Variants in MID1 observed in about 807,000 individuals in gnomAD.
MID1 encodes the protein E3 ubiquitin-protein ligase Midline-1.
A neutral mutation model predicts 40.4 loss-of-function variants in MID1; 7 were observed. That is an observed-to-expected ratio of 0.17 (90% CI 0.10 to 0.33). The LOEUF (loss-of-function observed/expected upper bound fraction) is 0.33, where lower values mean the gene tolerates loss of function less well. MID1 is among the 10% of genes least tolerant of loss of function. The pLI is 1.00. For missense variants in MID1, 367 were observed against 558.5 expected, an observed-to-expected ratio of 0.66 and a Z score of 3.46; for synonymous variants, 229 against 221.2, an observed-to-expected ratio of 1.04 and a Z score of -0.31.
chrX:10,790,166 T>C (rs938500042), intron 1 of MID1, among the ~76,000 whole-genome samples: 1 of 109,066 alleles, frequency 9.2e-6, no homozygotes, highest in African/African-American at 3.5e-5. Flanking sequence ...TTTCCTGCTC[T>C]GCTTTCTTTT....
intron 2 of MID1, among the ~76,000 whole-genome samples, chrX:10,559,187 A>T (rs1934238774): frequency 8.9e-6 from 1 of 112,853 alleles, no homozygotes; most frequent in African/African-American, 3.2e-5. Context: ...CTATTAAAAA[A>T]TATACATTTC....
intron 1 of MID1, among the ~76,000 whole-genome samples, chrX:10,676,627 C>T (rs1421110974): frequency 9.0e-6 from 1 of 111,230 alleles, no homozygotes; most frequent in East Asian, 2.8e-4. Context: ...GCAACCTCTC[C>T]CAGGATTTTT....
intron 1 of MID1, among the ~76,000 whole-genome samples, chrX:10,579,757 C>G (rs1316400434): frequency 9.1e-6 from 1 of 110,463 alleles, no homozygotes; most frequent in African/African-American, 3.3e-5. Context: ...AAACATTTCC[C>G]CTGATCACTG....
intron 1 of MID1, among the ~76,000 whole-genome samples, chrX:10,671,864 C>G (rs964990947): frequency 4.5e-5 from 5 of 111,366 alleles, no homozygotes; most frequent in African/African-American, 1.6e-4. Context: ...CACCTCTCCA[C>G]TTGAAATATT....
chrX:10,502,380 G>A (rs1029993622), intron 3 of MID1, among the ~76,000 whole-genome samples: 13 of 111,771 alleles, frequency 1.2e-4, no homozygotes, highest in African/African-American at 3.6e-4. Context: ...CTTCTTATTC[G>A]TACACAGACG....
At chrX:10,690,137 G>A (rs926933221) in intron 1 of MID1, among the ~76,000 whole-genome samples, 4 of 111,371 alleles carry the variant, frequency 3.6e-5, no homozygotes, top group Non-Finnish European at 7.5e-5. Context: ...TAATCAAGAT[G>A]CTGAGAGTTG....
intron 1 of MID1, among the ~76,000 whole-genome samples, chrX:10,814,575 T>A (rs1354667006): frequency 1.6e-5 from 1 of 60,635 alleles, no homozygotes; most frequent in East Asian, 4.9e-4. Context: ...TTGCTTGTAC[T>A]GGTGTGTGTG....
At chrX:10,488,822 T>C (rs1460309466) in intron 4 of MID1, among the ~76,000 whole-genome samples, 1 of 111,470 alleles carries the variant, frequency 9.0e-6, no homozygotes, top group Non-Finnish European at 1.9e-5. Flanking sequence ...GTCTACATCT[T>C]TCTCCCATGC....
At chrX:10,597,342 T>C (rs1004832913) in intron 1 of MID1, among the ~76,000 whole-genome samples, 10 of 111,964 alleles carry the variant, frequency 8.9e-5, no homozygotes, top group African/African-American at 2.9e-4. Context: ...AAGATTCTTC[T>C]GACTTTTCAA....
At chrX:10,458,859 C>T (rs1928848129) in intron 8 of MID1, among the ~76,000 whole-genome samples, 1 of 111,602 alleles carries the variant, frequency 9.0e-6, no homozygotes, top group Admixed American at 9.5e-5. Flanking sequence ...AACATGGCGC[C>T]ATACCGACAC....
intron 1 of MID1, among the ~76,000 whole-genome samples, chrX:10,652,412 C>T (rs1936326034): frequency 9.0e-6 from 1 of 111,366 alleles, no homozygotes; most frequent in African/African-American, 3.3e-5. Context: ...CTGTTGACTT[C>T]ACCTTGAAAA....
chrX:10,610,534 G>A (rs1360206404), intron 1 of MID1, among the ~76,000 whole-genome samples: 2 of 111,342 alleles, frequency 1.8e-5, no homozygotes, highest in Middle Eastern at 4.6e-3. Flanking sequence ...ATACTCTAAA[G>A]CAGAAAAAAG....
At chrX:10,469,233 C>T (rs995951503) in intron 7 of MID1, 12 of 548,921 alleles carry the variant, frequency 2.2e-5, no homozygotes, top group East Asian at 9.4e-5. Flanking sequence ...CACCACACCC[C>T]GCTAATTTTT....
intron 3 of MID1, among the ~76,000 whole-genome samples, chrX:10,516,710 G>C (rs1459853093): frequency 3.6e-5 from 4 of 109,802 alleles, no homozygotes; most frequent in Non-Finnish European, 7.6e-5. Flanking sequence ...CGACCTCCCA[G>C]GCTCAAGCAA....
At chrX:10,465,335 C>G (rs1929329009) in intron 7 of MID1, among the ~76,000 whole-genome samples, 1 of 105,256 alleles carries the variant, frequency 9.5e-6, no homozygotes, top group African/African-American at 3.5e-5. Flanking sequence ...AAGACATGCC[C>G]TAGGATGGTC....
intron 1 of MID1, among the ~76,000 whole-genome samples, chrX:10,640,494 G>T (rs1936178747): frequency 9.0e-6 from 1 of 111,359 alleles, no homozygotes; most frequent in Non-Finnish European, 1.9e-5. Flanking sequence ...ACCCAATACA[G>T]GAGCACCCAG....
intron 1 of MID1, among the ~76,000 whole-genome samples, chrX:10,778,938 T>A (rs2043826019): frequency 8.8e-6 from 1 of 113,023 alleles, no homozygotes; most frequent in African/African-American, 3.2e-5. Flanking sequence ...CATGTTGAGT[T>A]TGAGTGCCTG....
intron 1 of MID1, among the ~76,000 whole-genome samples, chrX:10,689,740 A>G (rs2043121286): frequency 9.5e-6 from 1 of 104,861 alleles, no homozygotes; most frequent in South Asian, 4.4e-4. Flanking sequence ...CCAAATGTAG[A>G]TTTATAGTGC....
At chrX:10,628,708 G>C (rs1399437392) in intron 1 of MID1, among the ~76,000 whole-genome samples, 1 of 111,819 alleles carries the variant, frequency 8.9e-6, no homozygotes, top group African/African-American at 3.3e-5. Flanking sequence ...CACACACTGA[G>C]AGGTCTAATG....
Sources: gnomAD v4.1 joint callset for allele counts (sites outside exome capture counted in the v4.1 genomes callset) on GRCh38, gnomAD v4.1.1 for gene constraint, MANE v1.5 for transcripts, NCBI Gene and HGNC (gene_info 2026-07-23, HGNC 2026-07-21) for gene names.